Variants in FAM240A observed in about 807,000 individuals in gnomAD.
FAM240A encodes the protein family with sequence similarity 240 member A.
FAM240A carries 8 observed loss-of-function variants against 7.3 expected under a neutral mutation model. The ratio of observed to expected loss-of-function variants is 1.09; its 90% CI spans 0.64 to 1.97. The LOEUF (loss-of-function observed/expected upper bound fraction) is 1.97. FAM240A is among the 30% of genes most tolerant of loss of function. FAM240A has a pLI of 0.00. For synonymous variants in FAM240A, 32 were observed against 35.9 expected (o/e 0.89, Z 0.38); for missense variants, 90 against 102.2 (o/e 0.88, Z 0.52).
chr3:46,612,860 G>C (rs569979963), intron 1 of FAM240A, among the ~76,000 whole-genome samples, 162 bp downstream of exon 1: 2 of 152,288 alleles, frequency 1.3e-5, no homozygotes, highest in Admixed American at 1.3e-4. Flanking sequence ...CAGAGGAATA[G>C]AGCTATTTAC....
rs537133119 is a variant in FAM240A, at chr3:46,616,721, A to ACACACT, written c.16-457_16-456insTCACAC. ...CACACACACACACACACACACACAC[A>ACACACT]CACACACATAAAACATTTTCTTGAT... On this transcript the variant is annotated intron_variant, in intron 1 of 2. Coordinates refer to ENST00000640551, the MANE Select transcript of FAM240A (RefSeq NM_001195442.2). 6.7e-3 allele frequency among the ~76,000 whole-genome samples: 1,016 copies of ACACACT among 151,554 alleles called. 16 individuals carry two copies. The highest frequency in any genetic ancestry group is 0.04 in the East Asian group (206 of 5,174).
At chr3:46,618,705 T>A (rs1345926341) in intron 2 of FAM240A, among the ~76,000 whole-genome samples, 1 of 151,780 alleles carries the variant, frequency 6.6e-6, no homozygotes, top group Admixed American at 6.6e-5. Context: ...CTAGGCGTGG[T>A]GGTGCATGCC....
At position 46,625,217 on chromosome 3, in the gene FAM240A, G is replaced by A. The variant is rs565633850; in HGVS notation, c.251G>A (p.Ter84=). The A allele has an allele frequency of 2.1e-5, 32 of 1,530,046 alleles. No individual in the cohort carries two copies. The highest frequency in any genetic ancestry group is 2.7e-5 in the Non-Finnish European group (31 of 1,143,062). 94.8% of individuals were successfully genotyped at this position (1,530,046 alleles called of 1,614,324 possible). ...ACTGAAAAGAGGACAAATGTTGGCTGAGAGCTTCCTGCTTCATTGACACAA... is the reference window on the plus strand; with the variant it reads ...ACTGAAAAGAGGACAAATGTTGGCTAAGAGCTTCCTGCTTCATTGACACAA... The part of the protein sequence containing the change: ...EDTEKRTNVG[*] Residue 84 remains the stop codon, a stop_retained_variant, in exon 3 of 3, where the codon TGA becomes TAA. Coordinates refer to ENST00000640551, the MANE Select transcript of FAM240A (RefSeq NM_001195442.2).
chr3:46,624,816 G>C (rs946208061), intron 2 of FAM240A, among the ~76,000 whole-genome samples: 1 of 151,950 alleles, frequency 6.6e-6, no homozygotes, highest in Non-Finnish European at 1.5e-5. Flanking sequence ...TAGGTTTGCT[G>C]TGTAAAGAAG....
rs1385429396 is a variant in FAM240A at position 46,625,204 on chromosome 3, A to C, written c.238A>C (p.Thr80Pro). Residue 80 changes from threonine to proline, a missense_variant, in exon 3 of 3, where the codon ACA becomes CCA. Physicochemically the swap from Thr to Pro is conservative, Grantham distance 38. Transcript: ENST00000640551. The stretch of plus-strand genomic sequence containing the variant: ...CAATCCAGAGGACACTGAAAAGAGG[A>C]CAAATGTTGGCTGAGAGCTTCCTGC... ...RNNPEDTEKR[T>P]NVG is the part of the protein sequence containing the mutation. The C allele has an allele frequency of 1.3e-6, 2 of 1,533,036 alleles. No homozygotes were observed. Among genetic ancestry groups the C allele is most frequent in the East Asian group, 4.9e-5 (2 of 40,764 alleles). 95.0% of individuals were successfully genotyped at this position (1,533,036 alleles called of 1,614,324 possible). A position where few individuals can be genotyped will look rare whatever the true frequency, so the allele number is the denominator to read the frequency against.
intron 2 of FAM240A, among the ~76,000 whole-genome samples, chr3:46,622,524 C>A (rs889129687): frequency 2.0e-5 from 3 of 152,132 alleles, no homozygotes; most frequent in Non-Finnish European, 4.4e-5. Flanking sequence ...TTAAGTTTTA[C>A]ATTTAGATTA....
chr3:46,614,458 T>TTGTTTGTG (rs1318369554), intron 1 of FAM240A, among the ~76,000 whole-genome samples: 3 of 152,252 alleles, frequency 2.0e-5, no homozygotes, highest in African/African-American at 7.2e-5. Flanking sequence ...CAGCAGCATT[T>TTGTTTGTG]TCCAGCAAAA....
At chr3:46,619,873 G>T (rs1697675693) in intron 2 of FAM240A, among the ~76,000 whole-genome samples, 2 of 152,176 alleles carry the variant, frequency 1.3e-5, no homozygotes, top group South Asian at 4.1e-4. Context: ...CCTATTTGTG[G>T]AATGGAGAAA....
Position 46,625,128 on chromosome 3 carries a change from G to A in FAM240A, c.162G>A (p.Lys54=). 6.5e-7 allele frequency: 1 copy of A among 1,533,828 alleles called. No individual in the cohort carries two copies. Among genetic ancestry groups the A allele is most frequent in the Non-Finnish European group, 8.7e-7 (1 of 1,145,254 alleles). The part of the protein sequence containing the change: ...ERRLGRSALR[K]LREEWKQRLE... Reference sequence around the variant, plus strand: ...CTGTGTGTTTGGTTTCTATTTTCAGGCTCAGAGAAGAATGGAAGCAGAGGC... The same window carrying A: ...CTGTGTGTTTGGTTTCTATTTTCAGACTCAGAGAAGAATGGAAGCAGAGGC... Residue 54 remains lysine (K), a splice_region_variant and synonymous_variant, in exon 3 of 3, where the codon AAG becomes AAA. Coordinates refer to ENST00000640551, the MANE Select transcript of FAM240A (RefSeq NM_001195442.2).
intron 1 of FAM240A, among the ~76,000 whole-genome samples, chr3:46,615,812 A>G (rs1414528196): frequency 6.6e-6 from 1 of 152,124 alleles, no homozygotes; most frequent in Non-Finnish European, 1.5e-5. Flanking sequence ...AGTGTCTGAT[A>G]TGTATAATTC....
At chr3:46,618,852 AAG>A (rs1559438766) in intron 2 of FAM240A, among the ~76,000 whole-genome samples, 24 of 102,930 alleles carry the variant, frequency 2.3e-4, no homozygotes, top group South Asian at 6.0e-4. Flanking sequence ...AAAAGAAAAA[AAG>A]ATATATATAT....
chr3:46,615,850 G>GCGCACACA (rs137999277), intron 1 of FAM240A, among the ~76,000 whole-genome samples: 6 of 150,232 alleles, frequency 4.0e-5, no homozygotes, highest in African/African-American at 1.2e-4. Flanking sequence ...ATGTGTGCAC[G>GCGCACACA]CACACACACA....
At chr3:46,615,825 C>T (rs895973289) in intron 1 of FAM240A, among the ~76,000 whole-genome samples, 2 of 151,936 alleles carry the variant, frequency 1.3e-5, no homozygotes, top group African/African-American at 2.4e-5. Context: ...TATAATTCCA[C>T]ACACAAGAGC....
At chr3:46,623,714 G>T (rs560572495) in intron 2 of FAM240A, among the ~76,000 whole-genome samples, 9 of 152,122 alleles carry the variant, frequency 5.9e-5, no homozygotes, top group Non-Finnish European at 1.3e-4. Flanking sequence ...CTTTGATTAG[G>T]TTTAGCATGG....
chr3:46,622,862 T>A (rs889097128), intron 2 of FAM240A, among the ~76,000 whole-genome samples: 1 of 152,204 alleles, frequency 6.6e-6, no homozygotes, highest in Non-Finnish European at 1.5e-5. Context: ...TGCATTTTCA[T>A]ATGAATTTTG....
chr3:46,617,820 C>T (rs1261691021), intron 2 of FAM240A, among the ~76,000 whole-genome samples: 1 of 152,174 alleles, frequency 6.6e-6, no homozygotes. Context: ...CACAAGATGG[C>T]CTGCGTGGTT....
Position 46,617,238 on chromosome 3 carries a change from A to C in FAM240A, c.71A>C (p.Asp24Ala). Residue 24 changes from aspartate (D) to alanine (A), a missense_variant, in exon 2 of 3, where the codon GAT becomes GCT. Physicochemically the swap from Asp to Ala is moderately radical, Grantham distance 126. Coordinates refer to ENST00000640551, the MANE Select transcript of FAM240A (RefSeq NM_001195442.2). ...REVFCRNTCH[D>A]LKHFWEREIG... is the part of the protein sequence containing the mutation. ...GTCTTCTGCCGGAACACCTGCCATGATCTCAAGCATTTCTGGGAAAGGGAA... is the reference window on the plus strand; with the variant it reads ...GTCTTCTGCCGGAACACCTGCCATGCTCTCAAGCATTTCTGGGAAAGGGAA... 6.5e-7 allele frequency: 1 copy of C among 1,535,588 alleles called. No homozygotes were observed. Among genetic ancestry groups the C allele is most frequent in the Non-Finnish European group, 8.7e-7 (1 of 1,146,628 alleles).
At chr3:46,617,747 T>C (rs774161466) in intron 2 of FAM240A, among the ~76,000 whole-genome samples, 2 of 152,142 alleles carry the variant, frequency 1.3e-5, no homozygotes, top group African/African-American at 2.4e-5. Flanking sequence ...AAACACTATG[T>C]CTGTGAAAAG....
chr3:46,624,246 T>C (rs1295379659), intron 2 of FAM240A, among the ~76,000 whole-genome samples: 3 of 151,022 alleles, frequency 2.0e-5, no homozygotes, highest in Admixed American at 6.6e-5. Flanking sequence ...TTAATAGTTT[T>C]ACTTTCAACG....
Sources: allele counts gnomAD v4.1 joint callset (sites outside exome capture counted in the v4.1 genomes callset), GRCh38; gene constraint gnomAD v4.1.1; transcripts MANE v1.5; gene names NCBI Gene and HGNC (gene_info 2026-07-23, HGNC 2026-07-21).